Variants in BICC1 observed in about 807,000 individuals in gnomAD.
The protein encoded by BICC1 is protein bicaudal C homolog 1.
BICC1 carries 43 observed loss-of-function variants against 111.0 expected under a neutral mutation model. The observed-to-expected ratio is 0.39, with a 90% CI of 0.30 to 0.50. BICC1 has a LOEUF of 0.50. Ranked by LOEUF, BICC1 falls within the 20% of genes least tolerant of loss-of-function variation. The pLI, the probability that BICC1 is intolerant of heterozygous loss-of-function variation, is 0.88. For missense variants in BICC1, 1,091 were observed against 1,203.2 expected, an observed-to-expected ratio of 0.91 and a Z score of 1.38; for synonymous variants, 467 against 434.4, an observed-to-expected ratio of 1.07 and a Z score of -0.93.
At chr10:58,756,879 G>T (rs1246760139) in intron 3 of BICC1, among the ~76,000 whole-genome samples, 1 of 152,118 alleles carries the variant, frequency 6.6e-6, no homozygotes, top group East Asian at 1.9e-4. Context: ...CAGGGACTTC[G>T]TAGATTTAGA....
chr10:58,762,802 T>C (rs901520428), intron 3 of BICC1, among the ~76,000 whole-genome samples: 4 of 152,046 alleles, frequency 2.6e-5, no homozygotes, highest in Non-Finnish European at 5.9e-5. Flanking sequence ...AAAATGTACT[T>C]TAAAAACTTT....
intron 1 of BICC1, among the ~76,000 whole-genome samples, chr10:58,515,861 A>G (rs149730355): frequency 9.8e-5 from 15 of 152,332 alleles, no homozygotes; most frequent in African/African-American, 3.6e-4. Context: ...ATCTGTTGTT[A>G]TTATTAATAA....
intron 2 of BICC1, among the ~76,000 whole-genome samples, chr10:58,647,190 C>T (rs1441411822): frequency 6.6e-6 from 1 of 152,062 alleles, no homozygotes; most frequent in Non-Finnish European, 1.5e-5. Context: ...TACAGATTTA[C>T]AAAATCCTTT....
intron 1 of BICC1, among the ~76,000 whole-genome samples, chr10:58,569,764 G>A (rs1843888125): frequency 2.6e-5 from 4 of 152,100 alleles, no homozygotes; most frequent in Admixed American, 1.3e-4. Flanking sequence ...GTGTATATGT[G>A]TCACATTTTC....
intron 1 of BICC1, among the ~76,000 whole-genome samples, chr10:58,544,341 T>G (rs533578353): frequency 4.4e-4 from 67 of 152,328 alleles, no homozygotes; most frequent in Non-Finnish European, 6.6e-4. Context: ...AGTTAAGAAT[T>G]GTAACAATAT....
At chr10:58,615,263 G>A (rs147660021) in intron 1 of BICC1, among the ~76,000 whole-genome samples, 13 of 152,290 alleles carry the variant, frequency 8.5e-5, no homozygotes, top group African/African-American at 3.1e-4. Flanking sequence ...ATTGTTTGCA[G>A]AGCAAACTAC....
intron 2 of BICC1, among the ~76,000 whole-genome samples, chr10:58,687,744 C>G (rs1472230588): frequency 6.6e-6 from 1 of 152,092 alleles, no homozygotes; most frequent in African/African-American, 2.4e-5. Context: ...GTGGGAGTGT[C>G]CTGATTTTCC....
At position 58,567,750 on chromosome 10, in the gene BICC1, T is replaced by C. The variant is rs1160818141; in HGVS notation, c.191-53105T>C. On this transcript the variant is annotated intron_variant, in intron 1 of 20. Coordinates refer to ENST00000373886, the MANE Select transcript of BICC1 (RefSeq NM_001080512.3). The stretch of plus-strand genomic sequence containing the variant: ...ATACTTATAGTTAATAGATTACTTA[T>C]AATATAGCATTTATAAAGTTCCTGC... Among the ~76,000 whole-genome samples, 3 of 152,030 alleles carry C rather than the reference T, an allele frequency of 2.0e-5. No individual in the cohort carries two copies. The East Asian group carries it at 5.8e-4, about 30-fold the overall frequency.
intron 3 of BICC1, among the ~76,000 whole-genome samples, chr10:58,768,692 CA>C (rs77007848): frequency 0.77 from 116,494 of 151,172 alleles, 45,360 homozygotes; most frequent in East Asian, 1. Flanking sequence ...ATCATAACAT[CA>C]AAAAAAATGG....
chr10:58,563,882 T>C (rs1283540463), intron 1 of BICC1, among the ~76,000 whole-genome samples: 1 of 144,080 alleles, frequency 6.9e-6, no homozygotes, highest in Non-Finnish European at 1.5e-5. Flanking sequence ...CCGTGAAAAG[T>C]AGATTGCATA....
At chr10:58,790,489 ACTT>A (rs1330006209) in intron 8 of BICC1, among the ~76,000 whole-genome samples, 2 of 152,200 alleles carry the variant, frequency 1.3e-5, no homozygotes, top group African/African-American at 4.8e-5. Flanking sequence ...CTACTTTACT[ACTT>A]CTAATTTATA....
At chr10:58,689,113 C>T (rs1024936813) in intron 2 of BICC1, among the ~76,000 whole-genome samples, 5 of 152,030 alleles carry the variant, frequency 3.3e-5, no homozygotes, top group East Asian at 1.9e-4. Context: ...AACCTTTCTG[C>T]GATATCATCT....
At chr10:58,555,080 A>C (rs920839568) in intron 1 of BICC1, among the ~76,000 whole-genome samples, 3 of 151,974 alleles carry the variant, frequency 2.0e-5, no homozygotes, top group African/African-American at 7.2e-5. Flanking sequence ...TAAGTAACTC[A>C]CATAGTGGGG....
intron 2 of BICC1, among the ~76,000 whole-genome samples, chr10:58,642,411 G>T (rs1838150846): frequency 6.6e-6 from 1 of 152,136 alleles, no homozygotes; most frequent in Admixed American, 6.5e-5. Context: ...AGTGACTTTG[G>T]TTGGTTAGAG....
chr10:58,780,388 G>C lies in BICC1; in HGVS notation c.308-4613G>C, dbSNP rs145622572. ...ACAAGGGATTTTTCTGTTGTTTTCT[G>C]TCTCTAAATGTACATGCCGAGGGTG... On this transcript the variant is annotated intron_variant, in intron 3 of 20. Transcript: ENST00000373886. Among the ~76,000 whole-genome samples, 579 of 152,254 alleles carry C rather than the reference G, an allele frequency of 3.8e-3. 5 individuals are homozygous for C. Among genetic ancestry groups the C allele is most frequent in the African/African-American group, 0.013 (541 of 41,556 alleles).
chr10:58,595,815 A>G (rs1365158825), intron 1 of BICC1, among the ~76,000 whole-genome samples: 1 of 152,196 alleles, frequency 6.6e-6, no homozygotes, highest in Non-Finnish European at 1.5e-5. Flanking sequence ...TAGAGAAGCA[A>G]CAGCAAACAA....
intron 3 of BICC1, among the ~76,000 whole-genome samples, chr10:58,734,807 T>A (rs973099263): frequency 1.3e-5 from 2 of 152,206 alleles, no homozygotes; most frequent in African/African-American, 4.8e-5. Context: ...TGTGGTTTTT[T>A]GGTCTAAATA....
At chr10:58,715,471 A>C (rs746202650) in intron 3 of BICC1, 6 of 790,836 alleles carry the variant, frequency 7.6e-6, no homozygotes, top group Non-Finnish European at 1.3e-5. Context: ...GGGAGGCGGC[A>C]AGAGGACCTG....
At chr10:58,542,163 A>C (rs1317010341) in intron 1 of BICC1, among the ~76,000 whole-genome samples, 2 of 147,172 alleles carry the variant, frequency 1.4e-5, no homozygotes, top group African/African-American at 2.6e-5. Context: ...AAAAAAAAAA[A>C]AAACAAAAAA....
Sources: allele counts gnomAD v4.1 joint callset (sites outside exome capture counted in the v4.1 genomes callset), GRCh38; gene constraint gnomAD v4.1.1; transcripts MANE v1.5; gene names NCBI Gene and HGNC (gene_info 2026-07-23, HGNC 2026-07-21).